The following DNAH5 variants were observed in gnomAD, a reference collection of about 807,000 sequenced individuals.
DNAH5 encodes axonemal beta dynein heavy chain 5.
A neutral mutation model predicts 518.2 loss-of-function variants in DNAH5; 372 were observed. The observed-to-expected ratio is 0.72, with a 90% CI of 0.66 to 0.78. The LOEUF is 0.78. DNAH5 is among the 30% of genes least tolerant of loss of function. The pLI is 0.00. For missense variants in DNAH5, 5,523 were observed against 5,687.0 expected, an observed-to-expected ratio of 0.97 and a Z score of 0.93; for synonymous variants, 2,039 against 2,025.9, an observed-to-expected ratio of 1.01 and a Z score of -0.17.
rs770812772 is a variant in DNAH5 at position 13,865,747 on chromosome 5, C to T, written c.4276G>A (p.Val1426Ile). The change falls in exon 27 of 79, where the codon GTA becomes ATA. Residue 1426 changes from valine (V) to isoleucine (I), a missense_variant. Val to Ile is a conservative substitution (Grantham distance 29). Transcript: ENST00000265104. ...CAAAGAATATCATAATAGCTATTTA[C>T]AGTTTCTATGACACTGTTGTACAGA... The part of the protein sequence containing the change: ...YTLYNSVIET[V>I]NSYYDILWSE... 3 of 1,609,640 alleles carry T rather than the reference C, an allele frequency of 1.9e-6. No homozygotes were observed. The Admixed American group carries it at 5.0e-5, about 27-fold the overall frequency.
intron 17 of DNAH5, among the ~76,000 whole-genome samples, chr5:13,889,033 T>C (rs1772817503): frequency 6.6e-6 from 1 of 152,164 alleles, no homozygotes; most frequent in Admixed American, 6.5e-5. Context: ...AAATGTTAAC[T>C]GGGAGAAAAA....
In DNAH5 at chr5:13,841,912, A is replaced by T; in HGVS notation, c.5272-8T>A. On this transcript the variant is annotated splice_polypyrimidine_tract_variant and splice_region_variant and intron_variant, in intron 32 of 78. Transcript: ENST00000265104. ...CAGAATTCGATCATAGATCTATGTTAGAAACCAAAAAAAAAAAAAAAAAAA... is the reference window on the plus strand; with the variant it reads ...CAGAATTCGATCATAGATCTATGTTTGAAACCAAAAAAAAAAAAAAAAAAA... The T allele has an allele frequency of 1.9e-6, 2 of 1,044,466 alleles. No homozygotes were observed. The highest frequency in any genetic ancestry group is 2.8e-6 in the Non-Finnish European group (2 of 722,766). The allele number at this position is 1,044,466 out of a possible 1,614,324, so 64.7% of individuals were successfully genotyped here. A position where few individuals can be genotyped will look rare whatever the true frequency, so the allele number is the denominator to read the frequency against.
At chr5:13,988,734 T>G (rs944874568) in intron 1 of DNAH5, among the ~76,000 whole-genome samples, 1 of 148,724 alleles carries the variant, frequency 6.7e-6, no homozygotes, top group Non-Finnish European at 1.5e-5. Context: ...AATCTTTTTT[T>G]TTTTTGAGAC....
At chr5:13,713,438 T>TATATATATATATATATACATCGAC (rs1743852170) in intron 75 of DNAH5, among the ~76,000 whole-genome samples, 2 of 87,184 alleles carry the variant, frequency 2.3e-5, no homozygotes, top group African/African-American at 1.1e-4. Flanking sequence ...CATCGACATA[T>TATATATATATATATATACATCGAC]ATATATATAT....
Position 13,810,699 on chromosome 5 carries a change from A to T in DNAH5, c.7408-439T>A, listed in dbSNP as rs571441356. ...AACTTGGGAGGCGGAGCTTGCAGTG[A>T]GCCAAGATGGCGCTACTGCACTCCA... is the stretch of plus-strand genomic sequence containing the variant. On this transcript the variant is annotated intron_variant, in intron 44 of 78. Coordinates refer to ENST00000265104, the MANE Select transcript of DNAH5 (RefSeq NM_001369.3). Among the ~76,000 whole-genome samples the T allele has an allele frequency of 1.5e-4, 23 of 151,872 alleles. 1 individual carries two copies. The South Asian group carries it at 4.4e-3, about 29-fold the overall frequency.
At chr5:13,826,757 G>A (rs954561839) in intron 38 of DNAH5, among the ~76,000 whole-genome samples, 1 of 152,186 alleles carries the variant, frequency 6.6e-6, no homozygotes, top group East Asian at 1.9e-4. Context: ...ATAGAGTGGG[G>A]TGCTACTATA....
chr5:13,865,927 A>C, intron 26 of DNAH5, 21 bp from the exon 27 acceptor site: 1 of 1,448,734 alleles, frequency 6.9e-7, no homozygotes, highest in Non-Finnish European at 9.7e-7. Flanking sequence ...CACAAGTGAA[A>C]ACGCATCAAA....
intron 1 of DNAH5, among the ~76,000 whole-genome samples, chr5:14,008,096 C>T (rs1424815109): frequency 6.6e-6 from 1 of 150,942 alleles, no homozygotes; most frequent in Non-Finnish European, 1.5e-5. Context: ...CACTTGAACC[C>T]AGGAGGCAGA....
intron 27 of DNAH5, among the ~76,000 whole-genome samples, chr5:13,865,233 T>C (rs1769065032): frequency 6.6e-6 from 1 of 152,112 alleles, no homozygotes; most frequent in South Asian, 2.1e-4. Flanking sequence ...GACCTCGTGA[T>C]CTGCCCACCT....
At chr5:13,945,208 T>C (rs924663213), upstream of DNAH5, among the ~76,000 whole-genome samples, 2 of 152,250 alleles carry the variant, frequency 1.3e-5, no homozygotes, top group Admixed American at 6.5e-5. Context: ...GAAGATGTAA[T>C]GGGAAAACAC....
In DNAH5 at chr5:13,747,423, C is replaced by G. The variant is rs1420696498; in HGVS notation, c.11211+3655G>C. Among the ~76,000 whole-genome samples the G allele has an allele frequency of 2.0e-5, 3 of 152,234 alleles. No individual in the cohort carries two copies. In the East Asian group the frequency reaches 5.8e-4, roughly 29 times the overall value. ...ATACCCAGTAATGGGATGGCAGGGT[C>G]AAATGGTATTTCTAGTTCTAGATCC... On this transcript the variant is annotated intron_variant, in intron 65 of 78. Transcript: ENST00000265104.
intron 35 of DNAH5, among the ~76,000 whole-genome samples, chr5:13,832,511 C>T (rs1188727848): frequency 6.6e-6 from 1 of 152,216 alleles, no homozygotes; most frequent in Non-Finnish European, 1.5e-5. Context: ...TCTCTGCTTT[C>T]CTTTCTAGTC....
intron 21 of DNAH5, among the ~76,000 whole-genome samples, chr5:13,880,206 C>G (rs200156040): frequency 6.6e-6 from 1 of 152,174 alleles, no homozygotes; most frequent in South Asian, 2.1e-4. Flanking sequence ...GCAATTCTAG[C>G]TTTCAAAAAC....
rs149839186 is a variant in DNAH5 at position 13,701,166 on chromosome 5, C to G, written c.13491+118G>C. The G allele has an allele frequency of 2.6e-3, 3,569 of 1,373,314 alleles. 93 individuals are homozygous for G. The East Asian group carries it at 0.048, about 18-fold the overall frequency. 85.1% of individuals were successfully genotyped at this position (1,373,314 alleles called of 1,614,324 possible). A position where few individuals can be genotyped will look rare whatever the true frequency, so the allele number is the denominator to read the frequency against. On this transcript the variant is annotated intron_variant, in intron 77 of 78. Coordinates refer to ENST00000265104, the MANE Select transcript of DNAH5 (RefSeq NM_001369.3). ...ATTTATGTACATGACAATGTAACTG[C>G]TAGTACCAAAAAGAGACAGTCATTC...
At chr5:13,861,334 A>C (rs372388277) in intron 29 of DNAH5, among the ~76,000 whole-genome samples, 3 of 152,354 alleles carry the variant, frequency 2.0e-5, no homozygotes, top group Admixed American at 6.5e-5. Flanking sequence ...TCCCAATATT[A>C]CTTTAGTGTA....
At chr5:13,894,499 G>T (rs936213957) in intron 16 of DNAH5, 151 bp downstream of exon 16, 2 of 753,660 alleles carry the variant, frequency 2.7e-6, no homozygotes, top group Non-Finnish European at 4.2e-6. Context: ...TACTGAATTC[G>T]CATGTTTTGG....
chr5:13,852,484 G>A (rs1027618861), intron 30 of DNAH5, among the ~76,000 whole-genome samples: 2 of 150,220 alleles, frequency 1.3e-5, no homozygotes, highest in Admixed American at 6.6e-5. Context: ...TTTTTTTTTC[G>A]TACCCTAGTG....
chr5:13,799,175 T>C (rs757043681), intron 47 of DNAH5, among the ~76,000 whole-genome samples: 13 of 151,256 alleles, frequency 8.6e-5, no homozygotes, highest in Admixed American at 6.6e-4. Context: ...AAATCTCCCA[T>C]GACATTGTAC....
At chr5:13,708,441 A>G in intron 75 of DNAH5, 106 bp from the exon 76 acceptor site, 1 of 986,078 alleles carries the variant, frequency 1.0e-6, no homozygotes, top group Non-Finnish European at 1.6e-6. Flanking sequence ...ACTATTCCAT[A>G]AATAATAAGC....
Sources: gnomAD v4.1 joint callset for allele counts (sites outside exome capture counted in the v4.1 genomes callset) on GRCh38, gnomAD v4.1.1 for gene constraint, MANE v1.5 for transcripts, NCBI Gene and HGNC (gene_info 2026-07-23, HGNC 2026-07-21) for gene names.